EPHA3: variants seen among roughly 807,000 people sequenced by gnomAD.
EPHA3 encodes the protein ephrin type-A receptor 3.
A neutral mutation model predicts 107.1 loss-of-function variants in EPHA3; 42 were observed. That is an observed-to-expected ratio of 0.39 (90% CI 0.31 to 0.51). The LOEUF is 0.51. EPHA3 is among the 20% of genes least tolerant of loss of function. EPHA3 has a pLI of 0.78. For synonymous variants in EPHA3, 461 were observed against 424.8 expected (o/e 1.09, Z -1.05); for missense variants, 1,183 against 1,211.2 (o/e 0.98, Z 0.35).
intron 2 of EPHA3, among the ~76,000 whole-genome samples, chr3:89,182,538 A>G (rs1705464617): frequency 6.6e-6 from 1 of 151,964 alleles, no homozygotes; most frequent in Non-Finnish European, 1.5e-5. Context: ...TACAAAAGGT[A>G]TGCCTTACAT....
chr3:89,425,973 T>A (rs142111803), intron 11 of EPHA3, among the ~76,000 whole-genome samples: 3 of 151,808 alleles, frequency 2.0e-5, no homozygotes, highest in African/African-American at 4.8e-5. Flanking sequence ...AAGATCATCA[T>A]TTTATCTAAA....
chr3:89,180,030 G>A (rs34493897), intron 2 of EPHA3, among the ~76,000 whole-genome samples: 21,820 of 151,638 alleles, frequency 0.14, 1,725 homozygotes, highest in African/African-American at 0.22. Flanking sequence ...ATCAATTTCT[G>A]TTATAAAAGG....
chr3:89,436,564 C>T (rs1678586921), intron 13 of EPHA3, among the ~76,000 whole-genome samples: 1 of 152,170 alleles, frequency 6.6e-6, no homozygotes. Flanking sequence ...GAAAAGAATA[C>T]TGAACATAGA....
At chr3:89,206,823 A>G (rs1706118430) in intron 2 of EPHA3, among the ~76,000 whole-genome samples, 1 of 152,152 alleles carries the variant, frequency 6.6e-6, no homozygotes, top group African/African-American at 2.4e-5. Flanking sequence ...GTATATTGGC[A>G]ATTATTACAA....
chr3:89,414,425 G>A (rs530823953), intron 10 of EPHA3, among the ~76,000 whole-genome samples: 101 of 151,608 alleles, frequency 6.7e-4, no homozygotes, highest in African/African-American at 2.4e-3. Flanking sequence ...AAACATATTC[G>A]CTGTACATCT....
At chr3:89,361,616 G>A (rs1708092357) in intron 5 of EPHA3, among the ~76,000 whole-genome samples, 1 of 151,064 alleles carries the variant, frequency 6.6e-6, no homozygotes, top group Non-Finnish European at 1.5e-5. Flanking sequence ...GTTTAGTCTA[G>A]GGAATACTGA....
At chr3:89,324,229 G>T (rs1365899325) in intron 3 of EPHA3, among the ~76,000 whole-genome samples, 1 of 146,406 alleles carries the variant, frequency 6.8e-6, no homozygotes, top group African/African-American at 2.5e-5. Flanking sequence ...GTACAGTGAT[G>T]CAATCTTGGC....
At chr3:89,440,643 A>G (rs529089264) in intron 13 of EPHA3, among the ~76,000 whole-genome samples, 1 of 152,338 alleles carries the variant, frequency 6.6e-6, no homozygotes, top group East Asian at 1.9e-4. Flanking sequence ...GAATTGCAGA[A>G]TCTTTCAAGA....
intron 15 of EPHA3, among the ~76,000 whole-genome samples, chr3:89,460,023 A>C (rs1242395704): frequency 1.3e-5 from 2 of 152,312 alleles, no homozygotes; most frequent in Admixed American, 6.5e-5. Context: ...TTATTCACTT[A>C]TTTTATAACT....
At chr3:89,153,795 C>T (rs1347034200) in intron 2 of EPHA3, among the ~76,000 whole-genome samples, 1 of 152,110 alleles carries the variant, frequency 6.6e-6, no homozygotes, top group African/African-American at 2.4e-5. Context: ...TGCTGATGAT[C>T]CTCTAAGGTT....
chr3:89,172,761 TTAA>T lies in EPHA3; in HGVS notation c.154-37092_154-37090del, dbSNP rs143715061. On this transcript the variant is annotated intron_variant, in intron 2 of 16. Transcript: ENST00000336596. ...CAGAAAGGTGATCTATTCCATATTG[TTAA>T]TAATAACAGGACATCAATTACAGTG... Among the ~76,000 whole-genome samples, 1,407 of 152,306 alleles carry T rather than the reference TTAA, an allele frequency of 9.2e-3. 9 individuals are homozygous for T. The highest frequency in any genetic ancestry group is 0.027 in the East Asian group (138 of 5,182).
chr3:89,179,269 C>G (rs550825033), intron 2 of EPHA3, among the ~76,000 whole-genome samples: 1 of 152,072 alleles, frequency 6.6e-6, no homozygotes, highest in South Asian at 2.1e-4. Flanking sequence ...ATACTGATCT[C>G]TGATATCTCT....
At chr3:89,110,699 T>A (rs1481222860) in intron 1 of EPHA3, among the ~76,000 whole-genome samples, 1 of 152,042 alleles carries the variant, frequency 6.6e-6, no homozygotes, top group Non-Finnish European at 1.5e-5. Flanking sequence ...TGGCAAAATA[T>A]GATTGCTACA....
At chr3:89,232,904 G>A (rs529961466) in intron 3 of EPHA3, among the ~76,000 whole-genome samples, 66 of 152,170 alleles carry the variant, frequency 4.3e-4, no homozygotes, top group South Asian at 3.5e-3. Context: ...TTATTGAACC[G>A]TAGCTGTTAG....
At chr3:89,157,586 C>T (rs1176446198) in intron 2 of EPHA3, among the ~76,000 whole-genome samples, 1 of 151,964 alleles carries the variant, frequency 6.6e-6, no homozygotes, top group African/African-American at 2.4e-5. Context: ...CCCTGCTGCT[C>T]CAAGCAGATG....
At chr3:89,214,088 A>G (rs1392165167) in intron 3 of EPHA3, among the ~76,000 whole-genome samples, 2 of 152,028 alleles carry the variant, frequency 1.3e-5, no homozygotes, top group African/African-American at 2.4e-5. Context: ...ATTTATGTAC[A>G]TGAGCCTAAT....
At chr3:89,233,589 T>A (rs1316471628) in intron 3 of EPHA3, among the ~76,000 whole-genome samples, 1 of 152,210 alleles carries the variant, frequency 6.6e-6, no homozygotes, top group Non-Finnish European at 1.5e-5. Context: ...GAATTGCTGT[T>A]GGTTTGAAGA....
At chr3:89,458,959 A>G (rs1208131133) in intron 15 of EPHA3, among the ~76,000 whole-genome samples, 2 of 152,198 alleles carry the variant, frequency 1.3e-5, no homozygotes, top group African/African-American at 2.4e-5. Flanking sequence ...GTTCTCACTC[A>G]TAAGTGGGAG....
chr3:89,340,991 A>G lies in EPHA3; in HGVS notation c.890A>G (p.Gln297Arg). 1 of 1,614,174 alleles carries G rather than the reference A, an allele frequency of 6.2e-7. No individual in the cohort carries two copies. The highest frequency in any genetic ancestry group is 1.3e-5 in the African/African-American group (1 of 75,040). ...CAKCPPHSST[Q>R]EDGSMNCRCE... Reference sequence around the variant, plus strand: ...AAGTGCCCGCCTCACAGTTCTACTCAGGAAGATGGTTCAATGAACTGCAGG... The same window carrying G: ...AAGTGCCCGCCTCACAGTTCTACTCGGGAAGATGGTTCAATGAACTGCAGG... The change falls in exon 4 of 17, where the codon CAG becomes CGG. Residue 297 changes from glutamine to arginine, a missense_variant. Coordinates refer to ENST00000336596, the MANE Select transcript of EPHA3 (RefSeq NM_005233.6).
Sources: allele counts gnomAD v4.1 joint callset (sites outside exome capture counted in the v4.1 genomes callset), GRCh38; gene constraint gnomAD v4.1.1; transcripts MANE v1.5; gene names NCBI Gene and HGNC (gene_info 2026-07-23, HGNC 2026-07-21).